The following TTC29 variants were observed in gnomAD, a reference collection of about 807,000 sequenced individuals.
TTC29 encodes the protein tetratricopeptide repeat domain 29.
In TTC29, 49 loss-of-function variants were observed where a neutral mutation model predicts 58.1. That is an observed-to-expected ratio of 0.84 (90% CI 0.67 to 1.07). The LOEUF is 1.07. TTC29 is among the 50% of genes least tolerant of loss of function. TTC29 has a pLI of 0.00. For missense variants in TTC29, 582 were observed against 555.6 expected (o/e 1.05, Z -0.48); for synonymous variants, 209 against 196.8 (o/e 1.06, Z -0.52).
chr4:146,722,943 C>T (rs1312598504), intron 11 of TTC29, among the ~76,000 whole-genome samples: 1 of 152,120 alleles, frequency 6.6e-6, no homozygotes, highest in Non-Finnish European at 1.5e-5. Flanking sequence ...AGCGATCCAC[C>T]CGCCTCAGCC....
At chr4:146,900,834 G>A (rs758859268) in intron 6 of TTC29, among the ~76,000 whole-genome samples, 12 of 152,086 alleles carry the variant, frequency 7.9e-5, no homozygotes, top group Admixed American at 3.3e-4. Context: ...TAAGTTTTAT[G>A]TTATGTTTTT....
intron 8 of TTC29, among the ~76,000 whole-genome samples, chr4:146,835,158 G>C (rs909832968): frequency 6.6e-6 from 1 of 151,978 alleles, no homozygotes; most frequent in African/African-American, 2.4e-5. Flanking sequence ...TATTACCTTT[G>C]ATTTTCATTT....
At chr4:146,787,892 G>GC (rs1554014425) in intron 11 of TTC29, among the ~76,000 whole-genome samples, 796 of 78,694 alleles carry the variant, frequency 0.01, 3 homozygotes, top group African/African-American at 0.029. Context: ...CTGCCAATCT[G>GC]CCCCCTTTTT....
chr4:146,707,227 G>C, intron 12 of TTC29, 39 bp from the exon 13 acceptor site: 1 of 1,310,226 alleles, frequency 7.6e-7, no homozygotes, highest in South Asian at 1.5e-5. Context: ...TTTTATACTG[G>C]GCTAGAAAGC....
rs1464256237 is a variant in TTC29 at position 146,732,952 on chromosome 4, AG to A, written c.1331-25402del. On this transcript the variant is annotated intron_variant, in intron 11 of 12. Coordinates refer to ENST00000325106, the MANE Select transcript of TTC29 (RefSeq NM_031956.4). ...GGAGAGAAAAGAGTCATCACTTGAG[AG>A]TACTGTAGAGGAAACGGCATCCTTG... is the stretch of plus-strand genomic sequence containing the variant. 2.0e-5 allele frequency among the ~76,000 whole-genome samples: 3 copies of A among 152,178 alleles called. No individual in the cohort carries two copies. The East Asian group carries it at 5.8e-4, about 29-fold the overall frequency.
chr4:146,800,975 T>A (rs916086688), intron 11 of TTC29, among the ~76,000 whole-genome samples: 2 of 152,096 alleles, frequency 1.3e-5, no homozygotes, highest in Non-Finnish European at 2.9e-5. Flanking sequence ...TAAGAGGGCA[T>A]CATGGAGGGT....
intron 6 of TTC29, among the ~76,000 whole-genome samples, chr4:146,880,234 T>C (rs898332867): frequency 1.3e-5 from 2 of 152,008 alleles, no homozygotes; most frequent in African/African-American, 4.8e-5. Flanking sequence ...CAAACAAGAG[T>C]ATCCAGGTAT....
chr4:146,737,687 C>T (rs1744825595), intron 11 of TTC29, among the ~76,000 whole-genome samples: 1 of 151,362 alleles, frequency 6.6e-6, no homozygotes, highest in Admixed American at 6.6e-5. Flanking sequence ...GCTCAGGGTG[C>T]CATTGAAAAA....
intron 4 of TTC29, among the ~76,000 whole-genome samples, chr4:146,917,129 GATTTA>G (rs1439709565): frequency 2.0e-5 from 3 of 150,642 alleles, no homozygotes; most frequent in East Asian, 1.9e-4. Context: ...TTTTCTATAT[GATTTA>G]ATTTAATTAT....
intron 7 of TTC29, among the ~76,000 whole-genome samples, chr4:146,869,008 G>A (rs1030983097): frequency 7.4e-5 from 11 of 148,856 alleles, no homozygotes; most frequent in East Asian, 6.0e-4. Context: ...GCTCCCCTTC[G>A]CCTTCTGCCA....
chr4:146,877,386 G>C (rs1731337001), intron 6 of TTC29, among the ~76,000 whole-genome samples: 1 of 152,062 alleles, frequency 6.6e-6, no homozygotes, highest in South Asian at 2.1e-4. Context: ...ATAATGCTCA[G>C]TACCTTTTTC....
At chr4:146,838,633 T>C (rs1369217205) in intron 8 of TTC29, among the ~76,000 whole-genome samples, 4 of 151,934 alleles carry the variant, frequency 2.6e-5, no homozygotes, top group African/African-American at 7.2e-5. Flanking sequence ...CAGACAAAAA[T>C]GAACTGCAGT....
At chr4:146,800,463 C>T (rs1386748511) in intron 11 of TTC29, among the ~76,000 whole-genome samples, 1 of 152,062 alleles carries the variant, frequency 6.6e-6, no homozygotes, top group Non-Finnish European at 1.5e-5. Context: ...TCTTCAATGG[C>T]AAGATTAAAG....
chr4:146,801,871 C>A (rs1460768771), intron 11 of TTC29, among the ~76,000 whole-genome samples: 1 of 145,910 alleles, frequency 6.9e-6, no homozygotes, highest in South Asian at 2.2e-4. Flanking sequence ...CCCAGCTCCT[C>A]AGGAGGCTGA....
At chr4:146,790,996 G>C (rs1408001920) in intron 11 of TTC29, among the ~76,000 whole-genome samples, 1 of 152,104 alleles carries the variant, frequency 6.6e-6, no homozygotes, top group Non-Finnish European at 1.5e-5. Context: ...TACTTCTTTT[G>C]TATCCCTGTT....
At chr4:146,844,489 T>C (rs912724297) in intron 8 of TTC29, among the ~76,000 whole-genome samples, 6 of 152,322 alleles carry the variant, frequency 3.9e-5, no homozygotes, top group East Asian at 1.9e-4. Flanking sequence ...GTGTGAGTTA[T>C]ATTTACAGCT....
chr4:146,829,900 AT>A (rs1728048089), intron 9 of TTC29, among the ~76,000 whole-genome samples: 2 of 152,142 alleles, frequency 1.3e-5, no homozygotes, highest in African/African-American at 2.4e-5. Flanking sequence ...TAATCTGAGT[AT>A]TTTGGAAAGT....
rs529756874 is a variant in TTC29, at chr4:146,881,236, C to A, written c.587-6308G>T. 5.3e-5 allele frequency among the ~76,000 whole-genome samples: 8 copies of A among 152,184 alleles called. No individual in the cohort carries two copies. The East Asian group carries it at 1.4e-3, about 26-fold the overall frequency. ...CAATTCTGAAAATAGCTAATTATTT[C>A]CTTTTCTATCGACTTGTACATTTGC... On this transcript the variant is annotated intron_variant, in intron 6 of 12. Coordinates refer to ENST00000325106, the MANE Select transcript of TTC29 (RefSeq NM_031956.4).
At chr4:146,844,240 A>C (rs983735574) in intron 8 of TTC29, among the ~76,000 whole-genome samples, 1 of 152,208 alleles carries the variant, frequency 6.6e-6, no homozygotes, top group Admixed American at 6.5e-5. Context: ...CAACAGGCAG[A>C]TGGCTCTGAA....
Sources: gnomAD v4.1 joint callset for allele counts (sites outside exome capture counted in the v4.1 genomes callset) on GRCh38, gnomAD v4.1.1 for gene constraint, MANE v1.5 for transcripts, NCBI Gene and HGNC (gene_info 2026-07-23, HGNC 2026-07-21) for gene names.